UQCC4: variants seen among roughly 807,000 people sequenced by gnomAD.
UQCC4 encodes the protein cattle cerebrum and skeletal muscle-specific protein 1 family member.
chr16:1,420,440 C>T, the UQCC4 span: 10 of 1,614,276 alleles, frequency 6.2e-6, no homozygotes, highest in Non-Finnish European at 8.5e-6. Flanking sequence ...TGTCCCTTTC[C>T]CATGGTATGG....
chr16:1,420,624 A>T, the UQCC4 span: 1 of 1,556,904 alleles, frequency 6.4e-7, no homozygotes, highest in South Asian at 1.2e-5. Context: ...TGGAAGAGAG[A>T]GAGCAGTAAG....
chr16:1,419,841 A>G, the UQCC4 span: 1 of 1,272,260 alleles, frequency 7.9e-7, no homozygotes, highest in Non-Finnish European at 1.0e-6. Context: ...GCAGCATGCA[A>G]TACAGTTTCA....
the UQCC4 span, chr16:1,420,484 G>C: frequency 1.9e-6 from 3 of 1,614,274 alleles, no homozygotes; most frequent in Non-Finnish European, 2.5e-6. Flanking sequence ...GGCTTTGCTG[G>C]AGGAAAACTC....
At chr16:1,419,960 T>G in the UQCC4 span, 2 of 1,554,298 alleles carry the variant, frequency 1.3e-6, no homozygotes, top group Non-Finnish European at 1.8e-6. Context: ...ATACAAAGAC[T>G]TGGCAAATCC....
At chr16:1,420,224 G>A in the UQCC4 span, 3 of 1,613,444 alleles carry the variant, frequency 1.9e-6, no homozygotes, top group Admixed American at 1.7e-5. Context: ...CTCCCTTCCT[G>A]CCAGCCCCAG....
chr16:1,420,244 C>T, the UQCC4 span: 18 of 1,613,368 alleles, frequency 1.1e-5, no homozygotes, highest in South Asian at 1.8e-4. Context: ...GCGGGCACCC[C>T]GTCAAGTTCT....
chr16:1,419,977 A>T, the UQCC4 span: 2 of 1,583,282 alleles, frequency 1.3e-6, no homozygotes, highest in South Asian at 1.1e-5. Context: ...ATCCAACAGC[A>T]TACAGTGCAA....
chr16:1,420,131 C>G, the UQCC4 span: 2 of 1,613,546 alleles, frequency 1.2e-6, no homozygotes, highest in Non-Finnish European at 1.7e-6. Context: ...ATCCACCAGC[C>G]AAGTCCTTCA....
the UQCC4 span, chr16:1,420,386 C>G: frequency 6.2e-7 from 1 of 1,614,244 alleles, no homozygotes; most frequent in East Asian, 2.2e-5. Flanking sequence ...ATCAGCGCCA[C>G]GAGGAAGCAG....
the UQCC4 span, chr16:1,419,923 G>A: frequency 3.4e-6 from 5 of 1,469,128 alleles, no homozygotes; most frequent in Admixed American, 9.0e-5. Flanking sequence ...AGTGTCACCA[G>A]AAGTGCTTTG....
At chr16:1,420,032 C>T in the UQCC4 span, 1 of 1,610,334 alleles carries the variant, frequency 6.2e-7, no homozygotes, top group Non-Finnish European at 8.5e-7. Context: ...CGATGGAATC[C>T]TTGGACATCA....
At chr16:1,420,396 G>A in the UQCC4 span, 2 of 1,614,258 alleles carry the variant, frequency 1.2e-6, no homozygotes, top group Non-Finnish European at 1.7e-6. Context: ...CGAGGAAGCA[G>A]CTGAGGGGCA....
At chr16:1,420,652 G>T in the UQCC4 span, 2 of 1,551,156 alleles carry the variant, frequency 1.3e-6, no homozygotes, top group Non-Finnish European at 8.7e-7. Context: ...CCCGCCCGCC[G>T]GTGTCTGCCC....
chr16:1,420,000 C>G, the UQCC4 span: 2 of 1,600,870 alleles, frequency 1.2e-6, no homozygotes, highest in Non-Finnish European at 1.7e-6. Flanking sequence ...GAAACCTTCC[C>G]CAAGGATCTG....
At chr16:1,420,497 T>G in the UQCC4 span, 1 of 1,614,184 alleles carries the variant, frequency 6.2e-7, no homozygotes, top group African/African-American at 1.3e-5. Context: ...GAAAACTCAA[T>G]GGGGCGGTCA....
chr16:1,419,786 G>T, the UQCC4 span: 1 of 662,868 alleles, frequency 1.5e-6, no homozygotes, highest in South Asian at 2.1e-5. Context: ...ATTTTCATTT[G>T]TTGTTGTGTA....
At chr16:1,420,569 G>A in the UQCC4 span, 6 of 1,609,984 alleles carry the variant, frequency 3.7e-6, no homozygotes, top group Non-Finnish European at 5.1e-6. Context: ...AACGGATGAA[G>A]GCTTCGGGAA....
the UQCC4 span, chr16:1,420,217 C>G: frequency 2.5e-6 from 4 of 1,613,734 alleles, no homozygotes; most frequent in Non-Finnish European, 3.4e-6. Flanking sequence ...CTGTCGGCTC[C>G]CTTCCTGCCA....
At chr16:1,419,888 A>T in the UQCC4 span, 1 of 1,388,904 alleles carries the variant, frequency 7.2e-7, no homozygotes, top group Non-Finnish European at 9.6e-7. Context: ...AAAGCAAATT[A>T]CCTGCAAACT....
Sources: allele counts gnomAD v4.1 joint callset, GRCh38; gene constraint gnomAD v4.1.1; transcripts MANE v1.5; gene names NCBI Gene and HGNC (gene_info 2026-07-23, HGNC 2026-07-21).